NDUFAB1: variants seen among roughly 807,000 people sequenced by gnomAD.
The protein encoded by NDUFAB1 is acyl carrier protein, mitochondrial.
NDUFAB1 carries 5 observed loss-of-function variants against 16.1 expected under a neutral mutation model. The observed-to-expected ratio is 0.31, with a 90% CI of 0.16 to 0.65. NDUFAB1 has a LOEUF of 0.65. Ranked by LOEUF, NDUFAB1 falls within the 30% of genes least tolerant of loss-of-function variation. The pLI, the probability that NDUFAB1 is intolerant of heterozygous loss-of-function variation, is 0.77. For synonymous variants in NDUFAB1, 85 were observed against 78.4 expected (o/e 1.08, Z -0.44); for missense variants, 187 against 205.3 (o/e 0.91, Z 0.54).
rs1182938543 is a variant in NDUFAB1, at chr16:23,581,036, A to T, written c.*146T>A. The T allele has an allele frequency of 6.5e-6, 1 of 152,674 alleles. No individual in the cohort carries two copies. The highest frequency in any genetic ancestry group is 1.5e-5 in the Non-Finnish European group (1 of 68,040). 9.5% of individuals were successfully genotyped at this position (152,674 alleles called of 1,614,324 possible). A position where few individuals can be genotyped will look rare whatever the true frequency, so the allele number is the denominator to read the frequency against. On this transcript the variant is annotated 3_prime_UTR_variant, in exon 5 of 5. Transcript: ENST00000007516. ...ATGTTGGTTTTATAGATTTATTTTC[A>T]AAGAGTAAAACACATACAATTTAAA...
chr16:23,585,256 A>C, intron 3 of NDUFAB1, 80 bp downstream of exon 3: 1 of 1,051,358 alleles, frequency 9.5e-7, no homozygotes, highest in East Asian at 2.4e-5. Flanking sequence ...TCTAATTCCA[A>C]TTCAGACGCC....
At position 23,583,790 on chromosome 16, in the gene NDUFAB1, T is replaced by C. The variant is rs1339646009; in HGVS notation, c.380-1415A>G. ...ACAGCTCATTGAGAACGGGCCATGA[T>C]GACGATGGCGGTTGTTTCGAATAGA... On this transcript the variant is annotated intron_variant, in intron 3 of 4. Coordinates refer to ENST00000007516, the MANE Select transcript of NDUFAB1 (RefSeq NM_005003.3). Among the ~76,000 whole-genome samples the C allele has an allele frequency of 7.9e-5, 12 of 151,800 alleles. No homozygotes were observed. In the South Asian group the frequency reaches 2.3e-3, roughly 29 times the overall value.
At position 23,583,725 on chromosome 16, in the gene NDUFAB1, G is replaced by A. The variant is rs1438423222; in HGVS notation, c.380-1350C>T. 4.5e-5 allele frequency among the ~76,000 whole-genome samples: 6 copies of A among 133,524 alleles called. 1 individual carries two copies. Among genetic ancestry groups the A allele is most frequent in the African/African-American group, 1.2e-4 (4 of 32,738 alleles). 87.6% of individuals were successfully genotyped at this position (133,524 alleles called of 152,430 possible). A position where few individuals can be genotyped will look rare whatever the true frequency, so the allele number is the denominator to read the frequency against. ...CCGCCCCGTCTGGGAAGTGAGGAGC[G>A]TCTCCGCCCGGCAGCCGCCCCGTCA... On this transcript the variant is annotated intron_variant, in intron 3 of 4. Coordinates refer to ENST00000007516, the MANE Select transcript of NDUFAB1 (RefSeq NM_005003.3).
intron 1 of NDUFAB1, 114 bp downstream of exon 1, chr16:23,596,009 T>C: frequency 7.8e-7 from 1 of 1,288,054 alleles, no homozygotes; most frequent in African/African-American, 1.6e-5. Context: ...GCGAGCCGGC[T>C]GCCCCCCGGG....
At chr16:23,586,339 T>C (rs1966233002) in intron 2 of NDUFAB1, among the ~76,000 whole-genome samples, 1 of 151,606 alleles carries the variant, frequency 6.6e-6, no homozygotes, top group South Asian at 2.1e-4. Flanking sequence ...CAGATTCAAT[T>C]TTTTTTCGTT....
intron 1 of NDUFAB1, chr16:23,595,488 G>A (rs1966316495): frequency 4.6e-6 from 2 of 438,590 alleles, no homozygotes; most frequent in Non-Finnish European, 9.2e-6. Context: ...CTTATACGCG[G>A]GGCGGCACAT....
intron 1 of NDUFAB1, among the ~76,000 whole-genome samples, chr16:23,593,847 C>A (rs1020726263): frequency 2.7e-5 from 4 of 147,920 alleles, no homozygotes; most frequent in Non-Finnish European, 5.9e-5. Context: ...GCCTTTTTAA[C>A]CCTTATTTAT....
intron 4 of NDUFAB1, chr16:23,582,053 ACAAT>A (rs1057067710): frequency 1.1e-5 from 4 of 379,640 alleles, no homozygotes; most frequent in African/African-American, 4.2e-5. Context: ...AGGACAGCTG[ACAAT>A]CAAGGGAGTT....
chr16:23,596,127 G>A lies in NDUFAB1; in HGVS notation c.164C>T (p.Ala55Val), dbSNP rs1966323671. The A allele has an allele frequency of 1.2e-6, 2 of 1,606,414 alleles. No individual in the cohort carries two copies. The highest frequency in any genetic ancestry group is 2.3e-5 in the East Asian group (1 of 44,018). Residue 55 changes from alanine (A) to valine (V), a missense_variant, in exon 1 of 5, where the codon GCG becomes GTG. Physicochemically the swap from Ala to Val is moderately conservative, Grantham distance 64. Coordinates refer to ENST00000007516, the MANE Select transcript of NDUFAB1 (RefSeq NM_005003.3). ...AGCAAAGTCACCACGAGTCACCTGC[G>A]CGAGCACTAAGGCCGGCTGCAAAGT... The part of the protein sequence containing the change: ...LGTLQPALVL[A>V]QVPGRVTQLC...
chr16:23,586,512 T>G (rs1966234633), intron 2 of NDUFAB1, among the ~76,000 whole-genome samples: 1 of 151,266 alleles, frequency 6.6e-6, no homozygotes, highest in Non-Finnish European at 1.5e-5. Flanking sequence ...TTTGTGTATT[T>G]TTAGTAGAGA....
intron 3 of NDUFAB1, among the ~76,000 whole-genome samples, chr16:23,584,674 C>A (rs1289680960): frequency 6.6e-6 from 1 of 152,134 alleles, no homozygotes; most frequent in Non-Finnish European, 1.5e-5. Context: ...CAGGCTCATA[C>A]CTGACTAAGC....
At chr16:23,584,738 C>T (rs1416822886) in intron 3 of NDUFAB1, among the ~76,000 whole-genome samples, 1 of 152,174 alleles carries the variant, frequency 6.6e-6, no homozygotes, top group Non-Finnish European at 1.5e-5. Context: ...CCATCCTAGT[C>T]AGCATCATCT....
intron 4 of NDUFAB1, among the ~76,000 whole-genome samples, chr16:23,581,707 T>C (rs938268678): frequency 6.6e-6 from 1 of 151,290 alleles, no homozygotes; most frequent in East Asian, 1.9e-4. Flanking sequence ...TCAAGTGATA[T>C]ATATACTCTC....
At chr16:23,595,019 G>A (rs113090609) in intron 1 of NDUFAB1, among the ~76,000 whole-genome samples, 1,981 of 151,982 alleles carry the variant, frequency 0.013, 19 homozygotes, top group South Asian at 0.02. Context: ...TTGGGAGGCC[G>A]AGGCGGGTGG....
chr16:23,587,985 C>G (rs1000703463), intron 1 of NDUFAB1, among the ~76,000 whole-genome samples: 33 of 152,254 alleles, frequency 2.2e-4, no homozygotes, highest in African/African-American at 8.0e-4. Flanking sequence ...AGCAATACCT[C>G]ACGTATCTCT....
At chr16:23,588,886 G>C (rs898852627) in intron 1 of NDUFAB1, among the ~76,000 whole-genome samples, 7 of 152,104 alleles carry the variant, frequency 4.6e-5, no homozygotes, top group Non-Finnish European at 2.9e-5. Context: ...GCTGAGGCAT[G>C]AGAATTGCTT....
chr16:23,585,557 A>C, intron 2 of NDUFAB1, 134 bp from the exon 3 acceptor site: 1 of 644,138 alleles, frequency 1.6e-6, no homozygotes, highest in Non-Finnish European at 2.7e-6. Flanking sequence ...ACATGTGCAC[A>C]ACGTGCAGGT....
rs535036223 is a variant in NDUFAB1, at chr16:23,582,463, C to G, written c.380-88G>C. 11 of 1,369,512 alleles carry G rather than the reference C, an allele frequency of 8.0e-6. No individual in the cohort carries two copies. The East Asian group carries it at 2.8e-4, about 35-fold the overall frequency. The allele number at this position is 1,369,512 out of a possible 1,614,324, so 84.8% of individuals were successfully genotyped here. A position where few individuals can be genotyped will look rare whatever the true frequency, so the allele number is the denominator to read the frequency against. ...ACACCTGACCCTTCTACAACAGCTA[C>G]AAGTATATCAAAACTTTCAGCAACC... On this transcript the variant is annotated intron_variant, in intron 3 of 4. Coordinates refer to ENST00000007516, the MANE Select transcript of NDUFAB1 (RefSeq NM_005003.3).
chr16:23,589,385 G>A (rs1180122379), intron 1 of NDUFAB1, among the ~76,000 whole-genome samples: 1 of 152,028 alleles, frequency 6.6e-6, no homozygotes, highest in South Asian at 2.1e-4. Context: ...GCCTTTCTGA[G>A]TACTTTCAAG....
Sources: gnomAD v4.1 joint callset for allele counts (sites outside exome capture counted in the v4.1 genomes callset) on GRCh38, gnomAD v4.1.1 for gene constraint, MANE v1.5 for transcripts, NCBI Gene and HGNC (gene_info 2026-07-23, HGNC 2026-07-21) for gene names.